RLIM: variants seen among roughly 807,000 people sequenced by gnomAD.
The protein encoded by RLIM is E3 ubiquitin-protein ligase RLIM.
A neutral mutation model predicts 34.0 loss-of-function variants in RLIM; 2 were observed. The observed-to-expected ratio is 0.06, with a 90% CI of 0.02 to 0.19. RLIM has a LOEUF of 0.19. Ranked by LOEUF, RLIM falls within the 10% of genes least tolerant of loss-of-function variation. The pLI, the probability that RLIM is intolerant of heterozygous loss-of-function variation, is 1.00. For missense variants in RLIM, 286 were observed against 479.7 expected (o/e 0.60, Z 3.77); for synonymous variants, 169 against 164.0 (o/e 1.03, Z -0.23).
Position 74,604,441 on chromosome X carries a change from G to GT in RLIM, c.-23-8442dup, listed in dbSNP as rs1383342497. 2.7e-5 allele frequency among the ~76,000 whole-genome samples: 3 copies of GT among 111,004 alleles called. No homozygotes were observed. In the East Asian group the frequency reaches 8.4e-4, roughly 31 times the overall value. On this transcript the variant is annotated intron_variant, in intron 1 of 3. Transcript: ENST00000332687. ...CAGCACAGCTTTAAAGTATTTCTTT[G>GT]TAAGATAGAGAAATCCCAAATAGGG...
At chrX:74,597,662 C>T (rs887798736) in intron 1 of RLIM, among the ~76,000 whole-genome samples, 2 of 111,696 alleles carry the variant, frequency 1.8e-5, no homozygotes, top group African/African-American at 3.2e-5. Flanking sequence ...AGGTATTTAA[C>T]GTTTATGGTT....
In RLIM at chrX:74,591,716, C is replaced by G; in HGVS notation, c.1599G>C (p.Gln533His). The change falls in exon 4 of 4, where the codon CAG (glutamine) becomes CAC (histidine). Residue 533 changes from glutamine to histidine, a missense_variant. Coordinates refer to ENST00000332687, the MANE Select transcript of RLIM (RefSeq NM_016120.4). ...SGSLPFLSLAQFFLLNEDDDD... is the reference protein window; with the variant it reads ...SGSLPFLSLAHFFLLNEDDDD... ...CATCATCCTCATTTAAGAGGAAAAA[C>G]TGAGCCAGGCTAAGGAAGGGCAAAG... 1 of 1,211,677 alleles carries G rather than the reference C, an allele frequency of 8.3e-7. No homozygotes were observed.
At chrX:74,603,693 A>C (rs1017124091) in intron 1 of RLIM, among the ~76,000 whole-genome samples, 1 of 112,023 alleles carries the variant, frequency 8.9e-6, no homozygotes, top group Non-Finnish European at 1.9e-5. Flanking sequence ...AGCACAGTCC[A>C]AAAGAGATAC....
intron 1 of RLIM, among the ~76,000 whole-genome samples, chrX:74,603,875 C>T (rs755751680): frequency 9.0e-6 from 1 of 110,873 alleles, no homozygotes; most frequent in South Asian, 3.8e-4. Flanking sequence ...TTTGGGAGGC[C>T]GAGGTGGGCG....
intron 1 of RLIM, among the ~76,000 whole-genome samples, chrX:74,603,269 C>T (rs1013361917): frequency 5.4e-5 from 6 of 110,445 alleles, no homozygotes; most frequent in Non-Finnish European, 1.1e-4. Context: ...ACCCCATACT[C>T]CCCTCCCCCA....
At chrX:74,597,773 T>C (rs758589264) in intron 1 of RLIM, among the ~76,000 whole-genome samples, 1 of 112,294 alleles carries the variant, frequency 8.9e-6, no homozygotes, top group South Asian at 3.7e-4. Context: ...TTATGAACTC[T>C]GGTTTAAGCT....
intron 1 of RLIM, among the ~76,000 whole-genome samples, chrX:74,610,671 C>T (rs1181193559): frequency 1.8e-5 from 2 of 109,962 alleles, no homozygotes; most frequent in Non-Finnish European, 3.8e-5. Context: ...GTGGGCAGAT[C>T]ACAAGGTCAG....
chrX:74,610,472 A>C (rs764661234), intron 1 of RLIM, among the ~76,000 whole-genome samples: 1 of 110,915 alleles, frequency 9.0e-6, no homozygotes, highest in South Asian at 3.8e-4. Context: ...AAAAACCAAA[A>C]AAAAAAAACC....
intron 1 of RLIM, among the ~76,000 whole-genome samples, chrX:74,601,426 G>A (rs918843026): frequency 3.1e-4 from 35 of 111,934 alleles, no homozygotes; most frequent in African/African-American, 1.1e-3. Flanking sequence ...GGAAAATTCT[G>A]CAAATACATT....
At chrX:74,606,176 T>C (rs934988857) in intron 1 of RLIM, among the ~76,000 whole-genome samples, 2 of 112,420 alleles carry the variant, frequency 1.8e-5, no homozygotes, top group African/African-American at 6.5e-5. Context: ...AAGTCAACTT[T>C]TAGTAATTTT....
chrX:74,583,267 C>T lies in RLIM; in HGVS notation c.*8173G>A, dbSNP rs1931256333. The T allele has an allele frequency of 9.9e-7, 1 of 1,012,519 alleles. No homozygotes were observed. Among genetic ancestry groups the T allele is most frequent in the Admixed American group, 2.2e-5 (1 of 45,939 alleles). The allele number at this position is 1,012,519 out of a possible 1,213,427, so 83.4% of individuals were successfully genotyped here. On this transcript the variant is annotated 3_prime_UTR_variant, in exon 4 of 4. Coordinates refer to ENST00000332687, the MANE Select transcript of RLIM (RefSeq NM_016120.4). ...AACAACACGCCAGTGATTTTACCGGCAAGAGTAGGGTGCATGGCTTGAATA... is the reference window on the plus strand; with the variant it reads ...AACAACACGCCAGTGATTTTACCGGTAAGAGTAGGGTGCATGGCTTGAATA...
Position 74,591,089 on chromosome X carries a change from G to A in RLIM, c.*351C>T, listed in dbSNP as rs2079610656. The A allele has an allele frequency of 5.2e-6, 1 of 191,296 alleles. No homozygotes were observed. The highest frequency in any genetic ancestry group is 9.6e-6 in the Non-Finnish European group (1 of 103,978). 15.8% of individuals were successfully genotyped at this position (191,296 alleles called of 1,213,427 possible). ...ATTTCCTTTGCTCCTCTCTTATGGT[G>A]TGGGAAAATTTAAAGATCAACATGA... On this transcript the variant is annotated 3_prime_UTR_variant, in exon 4 of 4. Coordinates refer to ENST00000332687, the MANE Select transcript of RLIM (RefSeq NM_016120.4).
intron 1 of RLIM, among the ~76,000 whole-genome samples, chrX:74,601,392 G>A (rs2079660633): frequency 8.9e-6 from 1 of 112,228 alleles, no homozygotes; most frequent in Non-Finnish European, 1.9e-5. Context: ...CTACAGAGCA[G>A]TAAAATGTGA....
intron 1 of RLIM, among the ~76,000 whole-genome samples, chrX:74,597,376 G>T (rs1305079180): frequency 1.8e-5 from 2 of 111,997 alleles, no homozygotes; most frequent in African/African-American, 6.5e-5. Context: ...TTTGGCTCTT[G>T]ATTTGTTGAC....
Position 74,590,259 on chromosome X carries a change from GGTTT to G in RLIM, c.*1177_*1180del, listed in dbSNP as rs1198128561. ...AATTTAACTTGTGCTAGGTAGTAGT[GGTTT>G]GTTTTTCTTAAACCAAAACTCTGCC... is the stretch of plus-strand genomic sequence containing the variant. On this transcript the variant is annotated 3_prime_UTR_variant, in exon 4 of 4. Coordinates refer to ENST00000332687, the MANE Select transcript of RLIM (RefSeq NM_016120.4). 2.7e-5 allele frequency: 3 copies of G among 111,720 alleles called. No individual in the cohort carries two copies. Among genetic ancestry groups the G allele is most frequent in the Non-Finnish European group, 5.6e-5 (3 of 53,146 alleles). The allele number at this position is 111,720 out of a possible 1,213,427, so 9.2% of individuals were successfully genotyped here. A position where few individuals can be genotyped will look rare whatever the true frequency, so the allele number is the denominator to read the frequency against.
chrX:74,613,610 C>G (rs1051231003), intron 1 of RLIM, among the ~76,000 whole-genome samples: 2 of 102,945 alleles, frequency 1.9e-5, no homozygotes, highest in Admixed American at 1.1e-4. Context: ...TGGCAGGTAC[C>G]GTCTGCAGAA....
rs2079598284 is a variant in RLIM, at chrX:74,588,647, ATTG to A, written c.*2790_*2792del. ...GCTCTGAACAATGTGAACTCCCAAC[ATTG>A]TTTATCCTTGTTCCTCTTACTGCAT... is the stretch of plus-strand genomic sequence containing the variant. On this transcript the variant is annotated 3_prime_UTR_variant, in exon 4 of 4. Transcript: ENST00000332687. 8.9e-6 allele frequency: 1 copy of A among 112,182 alleles called. No individual in the cohort carries two copies. Among genetic ancestry groups the A allele is most frequent in the African/African-American group, 3.2e-5 (1 of 30,901 alleles). 9.2% of individuals were successfully genotyped at this position (112,182 alleles called of 1,213,427 possible).
intron 1 of RLIM, among the ~76,000 whole-genome samples, chrX:74,607,554 C>A (rs1477532873): frequency 8.9e-6 from 1 of 112,673 alleles, no homozygotes; most frequent in Non-Finnish European, 1.9e-5. Flanking sequence ...TACAAAAATA[C>A]AAAAATTTGC....
chrX:74,610,009 T>C (rs1036582031), intron 1 of RLIM, among the ~76,000 whole-genome samples: 1 of 112,237 alleles, frequency 8.9e-6, no homozygotes, highest in Non-Finnish European at 1.9e-5. Flanking sequence ...CAACCTGTAG[T>C]TGCAAAATTA....
Sources: gnomAD v4.1 joint callset for allele counts (sites outside exome capture counted in the v4.1 genomes callset) on GRCh38, gnomAD v4.1.1 for gene constraint, MANE v1.5 for transcripts, NCBI Gene and HGNC (gene_info 2026-07-23, HGNC 2026-07-21) for gene names.